EDIL3: variants seen among roughly 807,000 people sequenced by gnomAD.
EDIL3 encodes EGF-like repeat and discoidin I-like domain-containing protein 3.
A neutral mutation model predicts 67.4 loss-of-function variants in EDIL3; 37 were observed. The ratio of observed to expected loss-of-function variants is 0.55; its 90% CI spans 0.42 to 0.72. EDIL3 has a LOEUF of 0.72. Ranked by LOEUF, EDIL3 falls within the 30% of genes least tolerant of loss-of-function variation. The probability of loss-of-function intolerance (pLI) is 0.00; values close to 1 mark genes in which losing one functional copy is unlikely to be tolerated. For synonymous variants in EDIL3, 195 were observed against 196.3 expected, an observed-to-expected ratio of 0.99 and a Z score of 0.05; for missense variants, 527 against 586.3, an observed-to-expected ratio of 0.90 and a Z score of 1.04.
chr5:84,040,504 T>G (rs983333257), intron 9 of EDIL3, among the ~76,000 whole-genome samples: 1 of 148,064 alleles, frequency 6.8e-6, no homozygotes, highest in Non-Finnish European at 1.5e-5. Context: ...AGGGTATATA[T>G]AGATATATAA....
At chr5:84,151,050 T>A (rs1052043166) in intron 4 of EDIL3, among the ~76,000 whole-genome samples, 2 of 152,058 alleles carry the variant, frequency 1.3e-5, no homozygotes, top group Non-Finnish European at 2.9e-5. Context: ...GGGAAGAAAC[T>A]TCTGAGGGTG....
intron 10 of EDIL3, among the ~76,000 whole-genome samples, chr5:83,957,857 CA>C: frequency 6.6e-6 from 1 of 151,708 alleles, no homozygotes; most frequent in East Asian, 2.0e-4. Flanking sequence ...GTGTCATATT[CA>C]GATTTTTTTC....
chr5:84,177,631 G>A (rs1006684567), intron 4 of EDIL3, among the ~76,000 whole-genome samples: 1 of 152,104 alleles, frequency 6.6e-6, no homozygotes. Flanking sequence ...ATGTATCACA[G>A]CAATGAGATA....
At chr5:84,133,474 A>AT (rs1748032743) in intron 5 of EDIL3, among the ~76,000 whole-genome samples, 1 of 150,006 alleles carries the variant, frequency 6.7e-6, no homozygotes, top group African/African-American at 2.4e-5. Context: ...CAAAAAAAAA[A>AT]AAAAAAAAAA....
chr5:84,276,808 G>A (rs1478644858), intron 1 of EDIL3, among the ~76,000 whole-genome samples: 1 of 151,712 alleles, frequency 6.6e-6, no homozygotes, highest in Non-Finnish European at 1.5e-5. Context: ...TCCTGACCTC[G>A]CGATCCACCC....
At chr5:84,083,110 C>T (rs1747002193) in intron 6 of EDIL3, among the ~76,000 whole-genome samples, 2 of 151,964 alleles carry the variant, frequency 1.3e-5, no homozygotes, top group East Asian at 1.9e-4. Flanking sequence ...GTGGGTACTA[C>T]GTTTAAATAT....
chr5:84,372,669 T>A lies in EDIL3; in HGVS notation c.67+11639A>T, dbSNP rs553574979. ...AAGTGTGCTACAGTGAAAAGATTCC[T>A]CGATTTGGATCTATAAGACCTAGTT... On this transcript the variant is annotated intron_variant, in intron 1 of 10. Transcript: ENST00000296591. Among the ~76,000 whole-genome samples the A allele has an allele frequency of 2.0e-5, 3 of 152,316 alleles. No homozygotes were observed. In the South Asian group the frequency reaches 6.2e-4, roughly 32 times the overall value.
intron 3 of EDIL3, among the ~76,000 whole-genome samples, chr5:84,228,324 C>T (rs1459488174): frequency 1.3e-5 from 2 of 152,032 alleles, no homozygotes; most frequent in South Asian, 4.1e-4. Flanking sequence ...TATGGGTTGT[C>T]TGTATAGAAA....
intron 1 of EDIL3, among the ~76,000 whole-genome samples, chr5:84,300,272 C>A (rs1239807935): frequency 6.6e-6 from 1 of 152,144 alleles, no homozygotes; most frequent in Non-Finnish European, 1.5e-5. Context: ...ATCACATCCC[C>A]TCTCCTCTGA....
At chr5:84,300,917 T>C (rs1211799340) in intron 1 of EDIL3, among the ~76,000 whole-genome samples, 1 of 143,214 alleles carries the variant, frequency 7.0e-6, no homozygotes, top group Non-Finnish European at 1.6e-5. Flanking sequence ...CAAATATACA[T>C]GCACACACAG....
At chr5:83,946,736 T>C (rs1744318196) in intron 10 of EDIL3, among the ~76,000 whole-genome samples, 2 of 151,880 alleles carry the variant, frequency 1.3e-5, no homozygotes, top group South Asian at 4.1e-4. Flanking sequence ...AACATTATCC[T>C]CCACGATGTA....
At chr5:84,243,300 T>C (rs1665556972) in intron 2 of EDIL3, among the ~76,000 whole-genome samples, 3 of 152,122 alleles carry the variant, frequency 2.0e-5, no homozygotes, top group South Asian at 4.1e-4. Flanking sequence ...CAGGAAAGCA[T>C]TGTGGAAAGT....
In EDIL3 at chr5:84,120,393, T is replaced by C. The variant is rs1747754965; in HGVS notation, c.470-13563A>G. On this transcript the variant is annotated intron_variant, in intron 5 of 10. Transcript: ENST00000296591. Reference sequence around the variant, plus strand: ...CATTGCCTAGCACTTGGCTGACTAGTGGTTGAAGATGAGATGGATGGAAGG... The same window carrying C: ...CATTGCCTAGCACTTGGCTGACTAGCGGTTGAAGATGAGATGGATGGAAGG... Among the ~76,000 whole-genome samples, 3 of 151,998 alleles carry C rather than the reference T, an allele frequency of 2.0e-5. No individual in the cohort carries two copies. The South Asian group carries it at 6.2e-4, about 31-fold the overall frequency.
chr5:84,169,921 C>G (rs1487235682), intron 4 of EDIL3, among the ~76,000 whole-genome samples: 10 of 152,076 alleles, frequency 6.6e-5, no homozygotes, highest in Admixed American at 6.6e-4. Flanking sequence ...AGTGTAATTG[C>G]TGGACTGTAT....
intron 9 of EDIL3, among the ~76,000 whole-genome samples, chr5:84,037,985 C>CTTTTTTT (rs1580292622): frequency 1.7e-4 from 17 of 99,592 alleles, no homozygotes; most frequent in African/African-American, 8.0e-4. Context: ...TTCTTTCTTT[C>CTTTTTTT]TTGTTTTTTT....
chr5:84,175,546 T>A (rs2112352695), intron 4 of EDIL3, among the ~76,000 whole-genome samples: 1 of 152,270 alleles, frequency 6.6e-6, no homozygotes, highest in African/African-American at 2.4e-5. Flanking sequence ...TAATCACAGT[T>A]TTTAAAGAAG....
At chr5:84,298,012 G>A (rs991902029) in intron 1 of EDIL3, among the ~76,000 whole-genome samples, 2 of 152,126 alleles carry the variant, frequency 1.3e-5, no homozygotes, top group African/African-American at 2.4e-5. Flanking sequence ...TTTAGACCCC[G>A]GACCCCAGAC....
intron 3 of EDIL3, among the ~76,000 whole-genome samples, chr5:84,185,542 T>C (rs764552966): frequency 6.6e-6 from 1 of 152,190 alleles, no homozygotes; most frequent in Non-Finnish European, 1.5e-5. Context: ...TGATACATTT[T>C]GAATAAACAA....
intron 9 of EDIL3, among the ~76,000 whole-genome samples, chr5:84,020,649 T>G (rs1284626334): frequency 6.6e-6 from 1 of 151,952 alleles, no homozygotes; most frequent in Non-Finnish European, 1.5e-5. Context: ...ACTTTGGTAT[T>G]GAGATCTATT....
Sources: allele counts gnomAD v4.1 joint callset (sites outside exome capture counted in the v4.1 genomes callset), GRCh38; gene constraint gnomAD v4.1.1; transcripts MANE v1.5; gene names NCBI Gene and HGNC (gene_info 2026-07-23, HGNC 2026-07-21).